The following ITGB8 variants were observed in gnomAD, a reference collection of about 807,000 sequenced individuals.
ITGB8 encodes integrin subunit beta 8, also known as integrin beta-8.
A neutral mutation model predicts 89.5 loss-of-function variants in ITGB8; 30 were observed. The ratio of observed to expected loss-of-function variants is 0.34; its 90% confidence interval spans 0.25 to 0.45. The LOEUF (loss-of-function observed/expected upper bound fraction) is 0.45, where lower values mean the gene tolerates loss of function less well. ITGB8 is among the 20% of genes least tolerant of loss of function. The pLI is 1.00. For missense variants in ITGB8, 836 were observed against 933.3 expected (o/e 0.90, Z 1.36); for synonymous variants, 335 against 320.4 (o/e 1.05, Z -0.49).
In ITGB8 at chr7:20,414,805, ACTC is replaced by A. The variant is rs1787876935; in HGVS notation, c.*4809_*4811del. ...ATGTAAACCTGAGAGTAATAACACT[ACTC>A]TTTTATCTACCTGGAATACTTTTCT... On this transcript the variant is annotated 3_prime_UTR_variant, in exon 14 of 14. Coordinates refer to ENST00000222573, the MANE Select transcript of ITGB8 (RefSeq NM_002214.3). 1 of 152,426 alleles carries A rather than the reference ACTC, an allele frequency of 6.6e-6. No homozygotes were observed. The highest frequency in any genetic ancestry group is 1.5e-5 in the Non-Finnish European group (1 of 67,950). 9.4% of individuals were successfully genotyped at this position (152,426 alleles called of 1,614,324 possible).
intron 1 of ITGB8, among the ~76,000 whole-genome samples, chr7:20,337,127 C>T (rs1485623883): frequency 6.6e-6 from 1 of 152,124 alleles, no homozygotes; most frequent in Non-Finnish European, 1.5e-5. Flanking sequence ...TGTTTTCAAA[C>T]TTTCTGTGAC....
chr7:20,403,438 C>A lies in ITGB8; in HGVS notation c.1688-1190C>A, dbSNP rs956157516. On this transcript the variant is annotated intron_variant, in intron 10 of 13. Transcript: ENST00000222573. ...TTCTATATGAGTATGATACTACTGACCCACAAGCAGTTGAGAATCTGCTTT... is the reference window on the plus strand; with the variant it reads ...TTCTATATGAGTATGATACTACTGAACCACAAGCAGTTGAGAATCTGCTTT... Among the ~76,000 whole-genome samples, 66 of 152,304 alleles carry A rather than the reference C, an allele frequency of 4.3e-4. 1 individual carries two copies. Among genetic ancestry groups the A allele is most frequent in the African/African-American group, 1.6e-3 (65 of 41,562 alleles).
intron 7 of ITGB8, among the ~76,000 whole-genome samples, chr7:20,393,049 T>C (rs1786927672): frequency 6.6e-6 from 1 of 152,234 alleles, no homozygotes; most frequent in Non-Finnish European, 1.5e-5. Flanking sequence ...TATGCCCATT[T>C]TAAAGATGAG....
intron 6 of ITGB8, among the ~76,000 whole-genome samples, chr7:20,391,189 T>C (rs1471891894): frequency 6.6e-6 from 1 of 152,142 alleles, no homozygotes; most frequent in Non-Finnish European, 1.5e-5. Context: ...TTCATCTTTT[T>C]AAGTTACAGG....
chr7:20,396,165 G>C (rs544075839), intron 8 of ITGB8, among the ~76,000 whole-genome samples: 1 of 152,136 alleles, frequency 6.6e-6, no homozygotes, highest in Non-Finnish European at 1.5e-5. Flanking sequence ...TAGGCCGGGC[G>C]CGGTGGTTCA....
At chr7:20,405,569 C>A (rs186273326) in intron 11 of ITGB8, among the ~76,000 whole-genome samples, 1 of 151,672 alleles carries the variant, frequency 6.6e-6, no homozygotes, top group South Asian at 2.1e-4. Context: ...CCACCCACCT[C>A]GGCCTCCCAA....
chr7:20,409,906 G>A lies in ITGB8; in HGVS notation c.2219G>A (p.Arg740Lys). Reference sequence around the variant, plus strand: ...TTGATTCTGCAAAGTGTTTGCACAAGAGCAGTCACCTACCGACGTGAGAAG... The same window carrying A: ...TTGATTCTGCAAAGTGTTTGCACAAAAGCAGTCACCTACCGACGTGAGAAG... ...DKLILQSVCT[R>K]AVTYRREKPE... The change falls in exon 14 of 14, where the codon AGA becomes AAA. Residue 740 changes from arginine to lysine, a missense_variant. Transcript: ENST00000222573. 1 of 1,613,690 alleles carries A rather than the reference G, an allele frequency of 6.2e-7. No homozygotes were observed. Among genetic ancestry groups the A allele is most frequent in the South Asian group, 1.1e-5 (1 of 90,976 alleles).
intron 12 of ITGB8, among the ~76,000 whole-genome samples, chr7:20,407,777 G>A (rs1031107352): frequency 6.6e-6 from 1 of 152,150 alleles, no homozygotes; most frequent in Admixed American, 6.5e-5. Context: ...GTTACAAAAA[G>A]TATTCTCTTA....
chr7:20,363,759 C>T (rs1562668797), intron 2 of ITGB8, 37 bp downstream of exon 2: 4 of 1,294,942 alleles, frequency 3.1e-6, no homozygotes, highest in Non-Finnish European at 4.3e-6. Flanking sequence ...TCATGGTTGA[C>T]TTGAGCTATA....
At chr7:20,361,142 T>A (rs932215242) in intron 1 of ITGB8, among the ~76,000 whole-genome samples, 7 of 152,184 alleles carry the variant, frequency 4.6e-5, no homozygotes, top group Admixed American at 2.6e-4. Context: ...ATTAGCCACA[T>A]GAATGTCTTC....
At chr7:20,366,954 T>A (rs1785722547) in intron 2 of ITGB8, 58 bp from the exon 3 acceptor site, 1 of 1,184,778 alleles carries the variant, frequency 8.4e-7, no homozygotes, top group African/African-American at 1.6e-5. Flanking sequence ...TATGTCATTT[T>A]CTTTGGATGT....
At chr7:20,369,378 T>C (rs1785836719) in intron 3 of ITGB8, among the ~76,000 whole-genome samples, 1 of 152,194 alleles carries the variant, frequency 6.6e-6, no homozygotes, top group African/African-American at 2.4e-5. Context: ...ATATGGTTCC[T>C]GGTGAGAGGT....
At chr7:20,396,547 G>A (rs1289344524) in intron 8 of ITGB8, among the ~76,000 whole-genome samples, 1 of 152,144 alleles carries the variant, frequency 6.6e-6, no homozygotes, top group Non-Finnish European at 1.5e-5. Flanking sequence ...AGTACGTTGA[G>A]TAAAATAAGG....
In ITGB8 at chr7:20,379,271, C is replaced by A. The variant is rs750820206; in HGVS notation, c.609C>A (p.His203Gln). 1.9e-6 allele frequency: 3 copies of A among 1,602,784 alleles called. No individual in the cohort carries two copies. The highest frequency in any genetic ancestry group is 2.2e-5 in the South Asian group (2 of 89,178). The part of the protein sequence containing the change: ...DKTVSPYISI[H>Q]PERIHNQCSD... ...CAGTTTCACCATACATTAGCATCCA[C>A]CCCGAAAGGATTCATAATCAATGCA... Residue 203 changes from histidine (H) to glutamine (Q), a missense_variant, in exon 4 of 14, where the codon CAC becomes CAA. His to Gln is a conservative substitution (Grantham distance 24). Coordinates refer to ENST00000222573, the MANE Select transcript of ITGB8 (RefSeq NM_002214.3).
chr7:20,402,753 A>G (rs1019416231), intron 10 of ITGB8, among the ~76,000 whole-genome samples: 14 of 152,182 alleles, frequency 9.2e-5, no homozygotes, highest in African/African-American at 3.1e-4. Context: ...ACACAGACCA[A>G]ATTTTAAACA....
intron 8 of ITGB8, 78 bp from the exon 9 acceptor site, chr7:20,398,782 T>C (rs1229737901): frequency 1.9e-6 from 2 of 1,038,612 alleles, no homozygotes; most frequent in African/African-American, 3.3e-5. Context: ...TCTATAATGA[T>C]TTAATAAGCT....
intron 1 of ITGB8, among the ~76,000 whole-genome samples, chr7:20,351,518 TAATA>T (rs949877178): frequency 6.6e-6 from 1 of 152,276 alleles, no homozygotes; most frequent in African/African-American, 2.4e-5. Flanking sequence ...TGTGATCATG[TAATA>T]GATACTTGAT....
At position 20,331,449 on chromosome 7, in the gene ITGB8, C is replaced by T. The variant is rs1784388311; in HGVS notation, c.-358C>T. 5 of 411,614 alleles carry T rather than the reference C, an allele frequency of 1.2e-5. No individual in the cohort carries two copies. The South Asian group carries it at 5.4e-4, about 44-fold the overall frequency. 25.5% of individuals were successfully genotyped at this position (411,614 alleles called of 1,614,324 possible). A position where few individuals can be genotyped will look rare whatever the true frequency, so the allele number is the denominator to read the frequency against. ...TAAGCTGATTTATGCAGCAGAAGCC[C>T]CACCGGCTGGAGAGAAACAAAAGCT... On this transcript the variant is annotated 5_prime_UTR_variant, in exon 1 of 14. Transcript: ENST00000222573.
intron 6 of ITGB8, chr7:20,382,099 T>A (rs1786423184): frequency 2.3e-6 from 1 of 431,148 alleles, no homozygotes; most frequent in South Asian, 5.8e-5. Flanking sequence ...TTCTAGTAGC[T>A]GACTCTTTGA....
Sources: gnomAD v4.1 joint callset for allele counts (sites outside exome capture counted in the v4.1 genomes callset) on GRCh38, gnomAD v4.1.1 for gene constraint, MANE v1.5 for transcripts, NCBI Gene and HGNC (gene_info 2026-07-23, HGNC 2026-07-21) for gene names.